The following CTNNA3 variants were observed in gnomAD, a reference collection of about 807,000 sequenced individuals.
CTNNA3 encodes the protein catenin alpha-3.
In CTNNA3, 76 loss-of-function variants were observed where a neutral mutation model predicts 95.7. The ratio of observed to expected loss-of-function variants is 0.79; its 90% CI spans 0.66 to 0.96. The LOEUF is 0.96. Ranked by LOEUF, CTNNA3 falls within the 40% of genes least tolerant of loss-of-function variation. The probability of loss-of-function intolerance (pLI) is 0.00; values close to 1 mark genes in which losing one functional copy is unlikely to be tolerated. For synonymous variants in CTNNA3, 431 were observed against 374.4 expected (o/e 1.15, Z -1.74); for missense variants, 1,191 against 1,089.8 (o/e 1.09, Z -1.31).
At chr10:66,193,804 C>T (rs550206611) in intron 13 of CTNNA3, among the ~76,000 whole-genome samples, 1 of 152,178 alleles carries the variant, frequency 6.6e-6, no homozygotes, top group South Asian at 2.1e-4. Context: ...ACTCTGTTTG[C>T]TAATAATCCA....
rs1431289391 is a variant in CTNNA3 at position 67,017,749 on chromosome 10, G to T, written c.1047+162568C>A. On this transcript the variant is annotated intron_variant, in intron 7 of 17. Transcript: ENST00000433211. ...TCTGTGTGTGTGTGTGTGTGTGTGTGTGTGCGCGCGTACAATTTTATGTGT... is the reference window on the plus strand; with the variant it reads ...TCTGTGTGTGTGTGTGTGTGTGTGTTTGTGCGCGCGTACAATTTTATGTGT... Among the ~76,000 whole-genome samples, 3 of 151,806 alleles carry T rather than the reference G, an allele frequency of 2.0e-5. No individual in the cohort carries two copies. The East Asian group carries it at 5.8e-4, about 29-fold the overall frequency.
Position 66,621,705 on chromosome 10 carries a change from G to T in CTNNA3, c.1361C>A (p.Thr454Asn), listed in dbSNP as rs1409791712. 1 of 1,606,158 alleles carries T rather than the reference G, an allele frequency of 6.2e-7. No homozygotes were observed. The highest frequency in any genetic ancestry group is 8.5e-7 in the Non-Finnish European group (1 of 1,174,548). ...IVKIAANHLE[T>N]LCPQIINAAL... The stretch of plus-strand genomic sequence containing the variant: ...TAGTTGTCATACCTGTGGACACAAG[G>T]TTTCCAAATGATTGGCTGCAATTTT... Residue 454 changes from threonine (T) to asparagine (N), a missense_variant, in exon 10 of 18, where the codon ACC becomes AAC. Transcript: ENST00000433211.
chr10:67,073,971 T>C (rs1856597860), intron 7 of CTNNA3, among the ~76,000 whole-genome samples: 1 of 152,114 alleles, frequency 6.6e-6, no homozygotes, highest in Admixed American at 6.5e-5. Flanking sequence ...CAGATATTTA[T>C]TTCGCACAGC....
At chr10:66,401,560 C>G (rs1298833152) in intron 11 of CTNNA3, among the ~76,000 whole-genome samples, 4 of 143,276 alleles carry the variant, frequency 2.8e-5, no homozygotes, top group African/African-American at 7.8e-5. Flanking sequence ...CACACACACA[C>G]AGCATAGTAG....
intron 5 of CTNNA3, among the ~76,000 whole-genome samples, chr10:67,460,248 G>A (rs192914078): frequency 9.9e-5 from 15 of 152,076 alleles, no homozygotes; most frequent in African/African-American, 3.4e-4. Context: ...CCAGATATAG[G>A]GCCACTGGTT....
chr10:67,711,690 G>A (rs1030077040), intron 1 of CTNNA3, among the ~76,000 whole-genome samples: 3 of 150,520 alleles, frequency 2.0e-5, no homozygotes, highest in Middle Eastern at 3.4e-3. Flanking sequence ...CCACTAACTC[G>A]TCATCTAGCA....
intron 13 of CTNNA3, among the ~76,000 whole-genome samples, chr10:66,280,084 C>T (rs902707497): frequency 3.9e-5 from 6 of 151,922 alleles, no homozygotes; most frequent in Non-Finnish European, 8.8e-5. Flanking sequence ...ACCACGTTTT[C>T]CTATCAATTC....
intron 7 of CTNNA3, among the ~76,000 whole-genome samples, chr10:66,984,210 C>T (rs768046382): frequency 6.6e-5 from 10 of 152,200 alleles, no homozygotes; most frequent in Middle Eastern, 3.4e-3. Flanking sequence ...AATATTTCAA[C>T]GAATGATGAC....
chr10:67,278,321 A>T (rs1377720675), intron 5 of CTNNA3, among the ~76,000 whole-genome samples: 1 of 152,198 alleles, frequency 6.6e-6, no homozygotes, highest in Non-Finnish European at 1.5e-5. Context: ...GGTCCAGAGA[A>T]CATGTGCCCA....
At chr10:66,492,183 T>C (rs1242020203) in intron 11 of CTNNA3, among the ~76,000 whole-genome samples, 1 of 152,162 alleles carries the variant, frequency 6.6e-6, no homozygotes, top group East Asian at 1.9e-4. Context: ...ACACCATCCT[T>C]TTTTGCATAA....
At position 67,318,210 on chromosome 10, in the gene CTNNA3, A is replaced by T. The variant is rs563894249; in HGVS notation, c.580-98340T>A. ...AAATAATTGAACACATTCTGCCTGA[A>T]CTATCCTGAAGCAGTGTGGCATCCA... On this transcript the variant is annotated intron_variant, in intron 5 of 17. Coordinates refer to ENST00000433211, the MANE Select transcript of CTNNA3 (RefSeq NM_013266.4). 3.2e-4 allele frequency among the ~76,000 whole-genome samples: 49 copies of T among 152,320 alleles called. 1 individual carries two copies. Among genetic ancestry groups the T allele is most frequent in the Admixed American group, 2.1e-3 (32 of 15,300 alleles).
At chr10:67,402,471 C>T (rs375229092) in intron 5 of CTNNA3, among the ~76,000 whole-genome samples, 180 of 152,226 alleles carry the variant, frequency 1.2e-3, no homozygotes, top group African/African-American at 4.0e-3. Flanking sequence ...GTGCATGGCA[C>T]TCATAAAGAG....
intron 7 of CTNNA3, among the ~76,000 whole-genome samples, chr10:66,824,488 A>T (rs1473444802): frequency 6.6e-6 from 1 of 152,214 alleles, no homozygotes; most frequent in East Asian, 1.9e-4. Flanking sequence ...TGAAATGGTT[A>T]AGTATGATAC....
intron 9 of CTNNA3, among the ~76,000 whole-genome samples, chr10:66,751,868 A>C (rs2132730146): frequency 6.6e-6 from 1 of 152,346 alleles, no homozygotes; most frequent in Non-Finnish European, 1.5e-5. Context: ...TTTATGTAGT[A>C]TAAAAATAGG....
chr10:66,276,621 G>T (rs1469839934), intron 13 of CTNNA3, among the ~76,000 whole-genome samples: 1 of 152,034 alleles, frequency 6.6e-6, no homozygotes, highest in African/African-American at 2.4e-5. Context: ...ATAAGCATAA[G>T]TATCCTCTTA....
At chr10:66,956,105 C>T (rs2132744799) in intron 7 of CTNNA3, among the ~76,000 whole-genome samples, 1 of 152,162 alleles carries the variant, frequency 6.6e-6, no homozygotes, top group Non-Finnish European at 1.5e-5. Flanking sequence ...TACCTGACCA[C>T]CCAAGGAAGA....
chr10:65,984,202 AT>A (rs1163006126), intron 16 of CTNNA3, among the ~76,000 whole-genome samples: 4 of 151,252 alleles, frequency 2.6e-5, no homozygotes, highest in Non-Finnish European at 4.5e-5. Flanking sequence ...GTTCCAGCAG[AT>A]TTTTTTCATA....
intron 12 of CTNNA3, among the ~76,000 whole-genome samples, chr10:66,316,691 G>A (rs2092105930): frequency 6.6e-6 from 1 of 151,978 alleles, no homozygotes; most frequent in African/African-American, 2.4e-5. Flanking sequence ...CACAGACAGT[G>A]GCCCAGGTGG....
At chr10:66,120,304 A>G (rs1420689899) in intron 13 of CTNNA3, among the ~76,000 whole-genome samples, 3 of 152,218 alleles carry the variant, frequency 2.0e-5, no homozygotes, top group African/African-American at 4.8e-5. Context: ...AATGTAAAGT[A>G]CTGAATATAG....
Sources: allele counts gnomAD v4.1 joint callset (sites outside exome capture counted in the v4.1 genomes callset), GRCh38; gene constraint gnomAD v4.1.1; transcripts MANE v1.5; gene names NCBI Gene and HGNC (gene_info 2026-07-23, HGNC 2026-07-21).